NLN: variants seen among roughly 807,000 people sequenced by gnomAD.
The protein encoded by NLN is neurolysin, mitochondrial.
A neutral mutation model predicts 79.9 loss-of-function variants in NLN; 64 were observed. That is an observed-to-expected ratio of 0.80 (90% CI 0.65 to 0.99). The LOEUF (loss-of-function observed/expected upper bound fraction) is 0.99. Among genes scored for constraint, NLN ranks in the 50% least tolerant of loss-of-function variants. The pLI is 0.00. For missense variants in NLN, 835 were observed against 858.7 expected, an observed-to-expected ratio of 0.97 and a Z score of 0.34; for synonymous variants, 267 against 296.6, an observed-to-expected ratio of 0.90 and a Z score of 1.02.
At chr5:65,815,107 C>T (rs184275158) in intron 12 of NLN, among the ~76,000 whole-genome samples, 67 of 152,302 alleles carry the variant, frequency 4.4e-4, no homozygotes, top group Non-Finnish European at 8.2e-4. Context: ...ATTATGACGT[C>T]TTACTGGCAA....
At chr5:65,770,820 A>C (rs534332799) in intron 3 of NLN, among the ~76,000 whole-genome samples, 1 of 152,240 alleles carries the variant, frequency 6.6e-6, no homozygotes, top group Non-Finnish European at 1.5e-5. Flanking sequence ...AAAATAAATA[A>C]GTATAACAAC....
Position 65,809,381 on chromosome 5 carries a change from G to A in NLN, c.1528-134G>A, listed in dbSNP as rs147507523. On this transcript the variant is annotated intron_variant, in intron 9 of 12. Transcript: ENST00000380985. The stretch of plus-strand genomic sequence containing the variant: ...TGTTTTATTTTCACTTGACTATGAG[G>A]TTATTCTAACCCCTCATTCAGAGGA... The A allele has an allele frequency of 9.6e-3, 6,585 of 684,538 alleles. 39 individuals carry two copies. The highest frequency in any genetic ancestry group is 0.014 in the Admixed American group (456 of 31,870). The allele number at this position is 684,538 out of a possible 1,614,324, so 42.4% of individuals were successfully genotyped here.
chr5:65,779,610 G>A (rs1372861249), intron 4 of NLN, among the ~76,000 whole-genome samples: 1 of 152,172 alleles, frequency 6.6e-6, no homozygotes, highest in Non-Finnish European at 1.5e-5. Flanking sequence ...TTGCTAATTG[G>A]TAATGCACTG....
At chr5:65,781,458 G>C in intron 6 of NLN, 37 bp downstream of exon 6, 1 of 1,478,620 alleles carries the variant, frequency 6.8e-7, no homozygotes, top group East Asian at 2.3e-5. Context: ...GTTTTTAATG[G>C]AATATTTTAA....
chr5:65,733,979 C>T (rs1758671936), intron 1 of NLN, among the ~76,000 whole-genome samples: 1 of 136,432 alleles, frequency 7.3e-6, no homozygotes, highest in Non-Finnish European at 1.6e-5. Context: ...CTCACTGCAA[C>T]CTCTGCCTCC....
rs1759703179 is a variant in NLN, at chr5:65,777,438, T to G, written c.462T>G (p.Asp154Glu). The G allele has an allele frequency of 1.2e-6, 2 of 1,608,798 alleles. No individual in the cohort carries two copies. The highest frequency in any genetic ancestry group is 1.7e-5 in the Admixed American group (1 of 59,790). The change falls in exon 4 of 13, where the codon GAT (aspartate) becomes GAG (glutamate). Residue 154 changes from aspartate to glutamate, a missense_variant. Asp to Glu is a conservative substitution (Grantham distance 45). Transcript: ENST00000380985. The part of the protein sequence containing the change: ...ERIVHLQETC[D>E]LGKIKPEARR... ...CTCTTTAATTTCAGGAAACCTGTGA[T>G]CTGGGGAAGATAAAACCTGAGGCCA...
intron 1 of NLN, among the ~76,000 whole-genome samples, chr5:65,730,803 C>A (rs1020896475): frequency 2.6e-5 from 4 of 152,192 alleles, no homozygotes; most frequent in African/African-American, 9.6e-5. Context: ...CCACCTGCCT[C>A]TGCCTCCCAA....
chr5:65,744,480 TTTTTTTTTG>T (rs1455682450), intron 1 of NLN, among the ~76,000 whole-genome samples: 2 of 152,050 alleles, frequency 1.3e-5, no homozygotes, highest in African/African-American at 4.8e-5. Context: ...CCCTTTTTTT[TTTTTTTTTG>T]CTGATGTCTG....
At chr5:65,728,524 T>C (rs1335498139) in intron 1 of NLN, among the ~76,000 whole-genome samples, 2 of 152,166 alleles carry the variant, frequency 1.3e-5, no homozygotes, top group Non-Finnish European at 2.9e-5. Flanking sequence ...TTGGTACTTA[T>C]CATCTTATTC....
At chr5:65,775,495 A>G (rs1434118831) in intron 3 of NLN, among the ~76,000 whole-genome samples, 2 of 152,174 alleles carry the variant, frequency 1.3e-5, no homozygotes, top group African/African-American at 4.8e-5. Flanking sequence ...CCTTCTCACC[A>G]GGGATTCCTC....
intron 1 of NLN, among the ~76,000 whole-genome samples, chr5:65,731,589 CTTTTTGCT>C (rs932218754): frequency 1.3e-4 from 19 of 151,984 alleles, no homozygotes; most frequent in African/African-American, 4.3e-4. Flanking sequence ...ATTATTGTTG[CTTTTTGCT>C]TTTTTGCTTT....
chr5:65,780,743 GCCTCACTGCAACCTCCA>G (rs1157344354), intron 5 of NLN, among the ~76,000 whole-genome samples: 1 of 152,000 alleles, frequency 6.6e-6, no homozygotes, highest in African/African-American at 2.4e-5. Flanking sequence ...GCGCAATCTC[GCCTCACTGCAACCTCCA>G]CCTCCCTGGT....
At chr5:65,791,700 A>T (rs1760063941) in intron 8 of NLN, among the ~76,000 whole-genome samples, 1 of 151,566 alleles carries the variant, frequency 6.6e-6, no homozygotes, top group Non-Finnish European at 1.5e-5. Flanking sequence ...TCCAGCCTGG[A>T]TGACAGAGCA....
chr5:65,820,673 T>TGTAGTAGTCATGAATTGCTGCA (rs1206959567), intron 12 of NLN, among the ~76,000 whole-genome samples: 7 of 152,184 alleles, frequency 4.6e-5, no homozygotes, highest in Non-Finnish European at 1.0e-4. Context: ...AGATTGCTGC[T>TGTAGTAGTCATGAATTGCTGCA]GTAGTAGTCA....
At chr5:65,815,287 A>C (rs1262292075) in intron 12 of NLN, among the ~76,000 whole-genome samples, 1 of 152,196 alleles carries the variant, frequency 6.6e-6, no homozygotes, top group Non-Finnish European at 1.5e-5. Flanking sequence ...CTGTGGTTCC[A>C]AGGAACTTGC....
rs1760837651 is a variant in NLN, at chr5:65,823,148, G to A, written c.*233G>A. The A allele has an allele frequency of 2.5e-6, 1 of 396,772 alleles. No individual in the cohort carries two copies. Among genetic ancestry groups the A allele is most frequent in the African/African-American group, 2.1e-5 (1 of 47,958 alleles). The allele number at this position is 396,772 out of a possible 1,614,324, so 24.6% of individuals were successfully genotyped here. ...TATAAAATTTCATAAAACTGGATTT[G>A]ATTTCTTTTTATGAAAGTTTCATAT... On this transcript the variant is annotated 3_prime_UTR_variant, in exon 13 of 13. Transcript: ENST00000380985.
At chr5:65,749,885 T>C (rs1338837359) in intron 1 of NLN, among the ~76,000 whole-genome samples, 1 of 152,218 alleles carries the variant, frequency 6.6e-6, no homozygotes, top group Non-Finnish European at 1.5e-5. Flanking sequence ...GAACTGAAAG[T>C]CTTTTCTGCC....
At chr5:65,757,151 A>T (rs1759237298) in intron 1 of NLN, among the ~76,000 whole-genome samples, 1 of 152,192 alleles carries the variant, frequency 6.6e-6, no homozygotes, top group South Asian at 2.1e-4. Flanking sequence ...ACGTAACTAG[A>T]TACAGTACAT....
intron 9 of NLN, among the ~76,000 whole-genome samples, chr5:65,803,687 G>A (rs1316919213): frequency 6.6e-6 from 1 of 152,012 alleles, no homozygotes; most frequent in Admixed American, 6.6e-5. Flanking sequence ...GCCCAGGAGG[G>A]TAGGGCTCCT....
Sources: gnomAD v4.1 joint callset for allele counts (sites outside exome capture counted in the v4.1 genomes callset) on GRCh38, gnomAD v4.1.1 for gene constraint, MANE v1.5 for transcripts, NCBI Gene and HGNC (gene_info 2026-07-23, HGNC 2026-07-21) for gene names.